OMA1: variants seen among roughly 807,000 people sequenced by gnomAD.
OMA1 encodes the protein OMA1 zinc metallopeptidase.
In OMA1, 38 loss-of-function variants were observed where a neutral mutation model predicts 30.9. The ratio of observed to expected loss-of-function variants is 1.23; its 90% CI spans 0.95 to 1.61. The LOEUF (loss-of-function observed/expected upper bound fraction) is 1.61. Among genes scored for constraint, OMA1 ranks in the 40% most tolerant of loss-of-function variants. OMA1 has a pLI of 0.00. For synonymous variants in OMA1, 173 were observed against 121.9 expected (o/e 1.42, Z -2.76); for missense variants, 461 against 349.2 (o/e 1.32, Z -2.55).
chr1:58,544,749 A>G (rs1346535306), intron 1 of OMA1, among the ~76,000 whole-genome samples: 1 of 152,102 alleles, frequency 6.6e-6, no homozygotes, highest in Non-Finnish European at 1.5e-5. Context: ...ATGCATTACC[A>G]CATCTGGCTA....
intron 8 of OMA1, among the ~76,000 whole-genome samples, chr1:58,484,123 A>C (rs1194726006): frequency 6.6e-6 from 1 of 152,210 alleles, no homozygotes; most frequent in Non-Finnish European, 1.5e-5. Context: ...TTAGAACACC[A>C]CAGTGAGTAA....
chr1:58,505,431 A>G (rs1645972439), intron 8 of OMA1, among the ~76,000 whole-genome samples: 1 of 152,194 alleles, frequency 6.6e-6, no homozygotes, highest in South Asian at 2.1e-4. Context: ...GGAAACCATA[A>G]AAACATTCTG....
intron 5 of OMA1, 39 bp from the exon 6 acceptor site, chr1:58,530,768 A>T: frequency 1.2e-6 from 1 of 858,020 alleles, no homozygotes; most frequent in Non-Finnish European, 2.0e-6. Flanking sequence ...CATTTTATAC[A>T]TTGAGACAGT....
intron 8 of OMA1, among the ~76,000 whole-genome samples, chr1:58,485,307 G>A (rs1569865938): frequency 7.1e-6 from 1 of 141,034 alleles, no homozygotes; most frequent in Non-Finnish European, 1.5e-5. Context: ...TGTTTCTACC[G>A]CTTTTGCTCT....
chr1:58,524,685 A>T (rs1646322287), intron 7 of OMA1, among the ~76,000 whole-genome samples: 1 of 152,212 alleles, frequency 6.6e-6, no homozygotes, highest in African/African-American at 2.4e-5. Flanking sequence ...TGCAGACCTC[A>T]ATCTACAGTA....
intron 2 of OMA1, 92 bp downstream of exon 2, chr1:58,538,702 TA>T (rs916233149): frequency 5.1e-6 from 3 of 587,242 alleles, no homozygotes; most frequent in East Asian, 6.1e-5. Flanking sequence ...GTTTTATAAA[TA>T]AAAAAATTAA....
intron 8 of OMA1, among the ~76,000 whole-genome samples, chr1:58,483,615 A>C (rs1212105151): frequency 1.3e-5 from 2 of 152,180 alleles, no homozygotes; most frequent in African/African-American, 2.4e-5. Context: ...GTTTAAGTAA[A>C]CTGAATTGAC....
At chr1:58,501,647 T>A (rs1409054340) in intron 8 of OMA1, among the ~76,000 whole-genome samples, 1 of 152,206 alleles carries the variant, frequency 6.6e-6, no homozygotes, top group African/African-American at 2.4e-5. Context: ...AAGTGTCAGC[T>A]TCTCAATGAA....
At position 58,537,368 on chromosome 1, in the gene OMA1, G is replaced by C. The variant is rs139867763; in HGVS notation, c.501-627C>G. Among the ~76,000 whole-genome samples, 823 of 152,236 alleles carry C rather than the reference G, an allele frequency of 5.4e-3. 6 individuals carry two copies. Among genetic ancestry groups the C allele is most frequent in the African/African-American group, 0.019 (790 of 41,532 alleles). Reference sequence around the variant, plus strand: ...TTGCCAGTGATTCCACAAGGTACAAGGGAAACTGCCTCAGCATTCATTTTG... The same window carrying C: ...TTGCCAGTGATTCCACAAGGTACAACGGAAACTGCCTCAGCATTCATTTTG... On this transcript the variant is annotated intron_variant, in intron 2 of 8. Transcript: ENST00000371226.
chr1:58,497,814 G>A (rs1312865832), intron 8 of OMA1, among the ~76,000 whole-genome samples: 1 of 152,022 alleles, frequency 6.6e-6, no homozygotes, highest in Non-Finnish European at 1.5e-5. Flanking sequence ...TCTACAACGT[G>A]GCGGCTTTCC....
intron 1 of OMA1, among the ~76,000 whole-genome samples, chr1:58,543,820 G>A (rs1166600359): frequency 1.3e-5 from 2 of 152,262 alleles, no homozygotes; most frequent in South Asian, 2.1e-4. Flanking sequence ...GTCTAAAGAA[G>A]CACCATACAA....
intron 8 of OMA1, 57 bp downstream of exon 8, chr1:58,506,003 A>T: frequency 1.3e-6 from 1 of 787,638 alleles, no homozygotes; most frequent in South Asian, 1.6e-5. Flanking sequence ...AAGTGACAGC[A>T]TTAAAAATAA....
chr1:58,515,042 T>C (rs1486758990), intron 7 of OMA1, among the ~76,000 whole-genome samples: 1 of 151,876 alleles, frequency 6.6e-6, no homozygotes, highest in Non-Finnish European at 1.5e-5. Context: ...ACAATCATCA[T>C]TGTCATCATC....
rs188720033 is a variant in OMA1, at chr1:58,545,764, C to T, written c.-17+939G>A. 4.4e-4 allele frequency among the ~76,000 whole-genome samples: 67 copies of T among 152,318 alleles called. 2 individuals carry two copies. Among genetic ancestry groups the T allele is most frequent in the Non-Finnish European group, 1.2e-4 (8 of 68,026 alleles). ...CAACTCTTGCTGAAAATGACTATTT[C>T]TTCTCTAGTTTCTATGGAAACAGCT... On this transcript the variant is annotated intron_variant, in intron 1 of 8. Transcript: ENST00000371226.
chr1:58,524,251 C>G (rs1437028073), intron 7 of OMA1, among the ~76,000 whole-genome samples: 1 of 152,198 alleles, frequency 6.6e-6, no homozygotes, highest in Non-Finnish European at 1.5e-5. Flanking sequence ...GTTCCGGCAG[C>G]TATTCTTTCT....
chr1:58,501,306 C>T (rs1645903274), intron 8 of OMA1, among the ~76,000 whole-genome samples: 1 of 152,088 alleles, frequency 6.6e-6, no homozygotes, highest in Admixed American at 6.6e-5. Context: ...GAAAGGAACT[C>T]ATCTATTTTC....
chr1:58,524,394 A>G (rs964129709), intron 7 of OMA1, among the ~76,000 whole-genome samples: 1 of 152,190 alleles, frequency 6.6e-6, no homozygotes, highest in East Asian at 1.9e-4. Flanking sequence ...CTGGCATTAA[A>G]TTCTCCAGCT....
chr1:58,494,045 G>C (rs917485856), intron 8 of OMA1, among the ~76,000 whole-genome samples: 7 of 152,132 alleles, frequency 4.6e-5, no homozygotes, highest in African/African-American at 1.7e-4. Context: ...AACCAAAACA[G>C]CATGGTACTG....
rs758226414 is a variant in OMA1, at chr1:58,530,683, A to G, written c.1058T>C (p.Ile353Thr). Reference sequence around the variant, plus strand: ...AATGGCCCAAATCATTGTGAGGAAAATCATACCTAGGAAATCCAACAAATG... The same window carrying G: ...AATGGCCCAAATCATTGTGAGGAAAGTCATACCTAGGAAATCCAACAAATG... Reference protein sequence around the residue: ...MVHLLDFLGMIFLTMIWAICP... With the variant: ...MVHLLDFLGMTFLTMIWAICP... The change falls in exon 6 of 9, where the codon ATT (isoleucine) becomes ACT (threonine). Residue 353 changes from isoleucine to threonine, a missense_variant. Ile to Thr is a moderately conservative substitution (Grantham distance 89, BLOSUM62 -1). Coordinates refer to ENST00000371226, the MANE Select transcript of OMA1 (RefSeq NM_145243.5). 1.1e-6 allele frequency: 1 copy of G among 872,812 alleles called. No individual in the cohort carries two copies. Among genetic ancestry groups the G allele is most frequent in the East Asian group, 2.4e-5 (1 of 41,662 alleles). 54.1% of individuals were successfully genotyped at this position (872,812 alleles called of 1,614,324 possible). A position where few individuals can be genotyped will look rare whatever the true frequency, so the allele number is the denominator to read the frequency against.
Sources: gnomAD v4.1 joint callset for allele counts (sites outside exome capture counted in the v4.1 genomes callset) on GRCh38, gnomAD v4.1.1 for gene constraint, MANE v1.5 for transcripts, NCBI Gene and HGNC (gene_info 2026-07-23, HGNC 2026-07-21) for gene names.